The following R3HDM1 variants were observed in gnomAD, a reference collection of about 807,000 sequenced individuals.
R3HDM1 encodes R3H domain containing 1.
R3HDM1 carries 46 observed loss-of-function variants against 141.1 expected under a neutral mutation model. The observed-to-expected ratio is 0.33, with a 90% CI of 0.26 to 0.42. The LOEUF (loss-of-function observed/expected upper bound fraction) is 0.42, where lower values mean the gene tolerates loss of function less well. Ranked by LOEUF, R3HDM1 falls within the 10% of genes least tolerant of loss-of-function variation. R3HDM1 has a pLI of 1.00. For missense variants in R3HDM1, 1,184 were observed against 1,368.3 expected (o/e 0.87, Z 2.12); for synonymous variants, 435 against 472.9 (o/e 0.92, Z 1.04).
At chr2:135,651,685 C>G (rs1258962086) in intron 17 of R3HDM1, 45 bp from the exon 18 acceptor site, 3 of 1,533,050 alleles carry the variant, frequency 2.0e-6, no homozygotes, top group African/African-American at 2.7e-5. Flanking sequence ...TAAGTTTGGC[C>G]TATGTGTAGA....
At chr2:135,641,491 A>G in intron 14 of R3HDM1, 45 bp from the exon 15 acceptor site, 1 of 1,543,640 alleles carries the variant, frequency 6.5e-7, no homozygotes, top group South Asian at 1.2e-5. Flanking sequence ...TGTGTTTTTT[A>G]TATGAGGTTT....
At chr2:135,534,433 G>A (rs771816102) in intron 1 of R3HDM1, among the ~76,000 whole-genome samples, 4 of 152,188 alleles carry the variant, frequency 2.6e-5, no homozygotes, top group African/African-American at 9.7e-5. Flanking sequence ...CAACACTTGA[G>A]TGTTTCTTTT....
At chr2:135,675,527 C>T (rs781301602) in intron 20 of R3HDM1, 41 bp downstream of exon 20, 25 of 1,541,942 alleles carry the variant, frequency 1.6e-5, no homozygotes, top group South Asian at 5.9e-5. Flanking sequence ...GAGATGATTT[C>T]GAATAAATTA....
At chr2:135,644,045 C>T (rs1401854102) in intron 15 of R3HDM1, among the ~76,000 whole-genome samples, 1 of 152,152 alleles carries the variant, frequency 6.6e-6, no homozygotes, top group Non-Finnish European at 1.5e-5. Context: ...ACCACCATAA[C>T]ACAAGTTTAC....
intron 1 of R3HDM1, chr2:135,533,814 G>A (rs569785827): frequency 1.6e-5 from 3 of 183,986 alleles, no homozygotes; most frequent in Non-Finnish European, 3.1e-5. Flanking sequence ...GGGAGGCAGC[G>A]GTGAGCCGAG....
At chr2:135,576,434 G>A (rs977021131) in intron 1 of R3HDM1, among the ~76,000 whole-genome samples, 3 of 152,018 alleles carry the variant, frequency 2.0e-5, no homozygotes, top group Non-Finnish European at 2.9e-5. Flanking sequence ...AAATGGTACC[G>A]ATATATCTGA....
chr2:135,624,626 T>C (rs1396659331), intron 7 of R3HDM1, among the ~76,000 whole-genome samples: 2 of 152,176 alleles, frequency 1.3e-5, no homozygotes, highest in Non-Finnish European at 2.9e-5. Flanking sequence ...GAAATGCCAG[T>C]AGTGCATCAG....
chr2:135,686,433 AT>A (rs1463510185), intron 21 of R3HDM1, among the ~76,000 whole-genome samples: 1 of 152,184 alleles, frequency 6.6e-6, no homozygotes, highest in African/African-American at 2.4e-5. Flanking sequence ...CTAAATGTCA[AT>A]TGGTGGATGA....
chr2:135,612,511 C>T (rs2060638828), intron 3 of R3HDM1, among the ~76,000 whole-genome samples: 1 of 152,046 alleles, frequency 6.6e-6, no homozygotes, highest in South Asian at 2.1e-4. Context: ...ATTCTAGTAG[C>T]TGGTAACTCT....
rs773385393 is a variant in R3HDM1 at position 135,635,868 on chromosome 2, G to T, written c.699-22G>T. 3 of 1,562,678 alleles carry T rather than the reference G, an allele frequency of 1.9e-6. No individual in the cohort carries two copies. In the Admixed American group the frequency reaches 6.2e-5, roughly 32 times the overall value. On this transcript the variant is annotated intron_variant, in intron 9 of 26. Transcript: ENST00000683871. ...GTTCATTATCTTTTCCTGTTCCTTT[G>T]TTTTTGTTTTTGTTTTTTAAGACCT...
At chr2:135,632,101 G>T (rs1020088846) in intron 9 of R3HDM1, 100 bp downstream of exon 9, 1 of 1,030,772 alleles carries the variant, frequency 9.7e-7, no homozygotes, top group African/African-American at 1.7e-5. Context: ...TGTTTTAACA[G>T]TCTAATTAAG....
At chr2:135,583,651 C>T (rs1175496256) in intron 1 of R3HDM1, 2 of 812,896 alleles carry the variant, frequency 2.5e-6, no homozygotes, top group Non-Finnish European at 3.0e-6. Context: ...AAAATTGTTA[C>T]CCTAAGATGG....
chr2:135,546,905 C>T lies in R3HDM1; in HGVS notation c.-250+15272C>T, dbSNP rs868721852. On this transcript the variant is annotated intron_variant, in intron 1 of 26. Transcript: ENST00000683871. ...CAGGCTGGTCTCGAACTCCTGACAT[C>T]AAGTGATCTGCCTGCCTTAGCCTCC... Among the ~76,000 whole-genome samples the T allele has an allele frequency of 2.6e-5, 4 of 152,162 alleles. No homozygotes were observed. In the South Asian group the frequency reaches 8.3e-4, roughly 32 times the overall value.
chr2:135,583,778 G>A (rs532155767), intron 1 of R3HDM1: 24 of 985,356 alleles, frequency 2.4e-5, no homozygotes, highest in Admixed American at 6.1e-5. Context: ...AAAAAGTTCC[G>A]CAAGAGCTAA....
chr2:135,547,743 T>C (rs1331773225), intron 1 of R3HDM1, among the ~76,000 whole-genome samples: 2 of 151,386 alleles, frequency 1.3e-5, no homozygotes, highest in Non-Finnish European at 2.9e-5. Flanking sequence ...TGAGAACTTA[T>C]ATGTCTGTAG....
intron 15 of R3HDM1, among the ~76,000 whole-genome samples, chr2:135,642,764 A>C (rs1219487504): frequency 1.3e-5 from 2 of 152,160 alleles, no homozygotes; most frequent in Non-Finnish European, 2.9e-5. Context: ...GTAGTAGAAA[A>C]ATCATGGCTT....
chr2:135,669,164 G>A (rs2105327718), intron 19 of R3HDM1: 1 of 984,810 alleles, frequency 1.0e-6, no homozygotes, highest in Non-Finnish European at 1.2e-6. Flanking sequence ...GCAAGGAAGT[G>A]TAACTTTGAA....
At chr2:135,671,705 A>G (rs528205783) in intron 19 of R3HDM1, among the ~76,000 whole-genome samples, 4 of 151,824 alleles carry the variant, frequency 2.6e-5, no homozygotes, top group South Asian at 4.2e-4. Flanking sequence ...GTTGGGCGCC[A>G]TGGCTCATGC....
chr2:135,574,427 A>G (rs1160882244), intron 1 of R3HDM1, among the ~76,000 whole-genome samples: 1 of 152,236 alleles, frequency 6.6e-6, no homozygotes, highest in African/African-American at 2.4e-5. Flanking sequence ...CAAAGACCAG[A>G]TAGTTCCACT....
Sources: gnomAD v4.1 joint callset for allele counts (sites outside exome capture counted in the v4.1 genomes callset) on GRCh38, gnomAD v4.1.1 for gene constraint, MANE v1.5 for transcripts, NCBI Gene and HGNC (gene_info 2026-07-23, HGNC 2026-07-21) for gene names.